Variants in IMMT observed in about 807,000 individuals in gnomAD.
The protein encoded by IMMT is MICOS complex subunit MIC60.
In IMMT, 40 loss-of-function variants were observed where a neutral mutation model predicts 92.7. That is an observed-to-expected ratio of 0.43 (90% CI 0.34 to 0.56). The LOEUF is 0.56. IMMT is among the 20% of genes least tolerant of loss of function. The pLI is 0.03. For synonymous variants in IMMT, 322 were observed against 336.1 expected (o/e 0.96, Z 0.46); for missense variants, 831 against 912.1 (o/e 0.91, Z 1.14).
chr2:86,156,838 A>G (rs935185388), intron 10 of IMMT, among the ~76,000 whole-genome samples: 11 of 152,138 alleles, frequency 7.2e-5, no homozygotes, highest in Non-Finnish European at 1.5e-4. Context: ...ACTACCTACC[A>G]ATGTCAAATT....
intron 10 of IMMT, among the ~76,000 whole-genome samples, chr2:86,158,090 CTTGAGG>C (rs1021631251): frequency 2.4e-4 from 36 of 152,190 alleles, no homozygotes; most frequent in Admixed American, 7.9e-4. Flanking sequence ...GTAGTTTCAG[CTTGAGG>C]AAGTGGATAG....
Position 86,174,514 on chromosome 2 carries a change from G to C in IMMT, c.310-753C>G, listed in dbSNP as rs17027004. Among the ~76,000 whole-genome samples the C allele has an allele frequency of 4.2e-3, 637 of 152,204 alleles. 5 individuals carry two copies. The highest frequency in any genetic ancestry group is 0.015 in the African/African-American group (608 of 41,514). ...ATATTATTTTTGAATGATGAAGACT[G>C]TTTACTGTAACAAGCAAAATAATGC... is the stretch of plus-strand genomic sequence containing the variant. On this transcript the variant is annotated intron_variant, in intron 3 of 14. Transcript: ENST00000410111.
At chr2:86,151,868 ACT>A (rs1675488886) in intron 11 of IMMT, among the ~76,000 whole-genome samples, 1 of 152,196 alleles carries the variant, frequency 6.6e-6, no homozygotes, top group African/African-American at 2.4e-5. Flanking sequence ...TTCAGGCATA[ACT>A]CTGATTAGTT....
In IMMT at chr2:86,181,314, G is replaced by A. The variant is rs150201708; in HGVS notation, c.104C>T (p.Thr35Ile). The change falls in exon 2 of 15, where the codon ACT becomes ATT. Residue 35 changes from threonine to isoleucine, a missense_variant. Coordinates refer to ENST00000410111, the MANE Select transcript of IMMT (RefSeq NM_006839.3). Reference sequence around the variant, plus strand: ...TAATACATACCCAGAGCTGCCTGAAGTAGAGTATCTGCGGCATGGTCGCAA... The same window carrying A: ...TAATACATACCCAGAGCTGCCTGAAATAGAGTATCTGCGGCATGGTCGCAA... The part of the protein sequence containing the change: ...RPLRPCRRYS[T>I]SGSSGLTTGK... 2.0e-5 allele frequency: 32 copies of A among 1,613,560 alleles called. No homozygotes were observed. In the African/African-American group the frequency reaches 3.6e-4, roughly 18 times the overall value.
intron 12 of IMMT, among the ~76,000 whole-genome samples, chr2:86,150,937 G>A (rs1264302892): frequency 7.8e-6 from 1 of 128,442 alleles, no homozygotes; most frequent in Non-Finnish European, 1.6e-5. Flanking sequence ...TTTTTTTTTT[G>A]AGACAGTCTT....
intron 2 of IMMT, among the ~76,000 whole-genome samples, chr2:86,180,882 G>A (rs1202507433): frequency 6.6e-6 from 1 of 151,288 alleles, no homozygotes; most frequent in African/African-American, 2.4e-5. Context: ...GCGAGACTCT[G>A]TCTTTAAAAA....
At chr2:86,178,223 C>T (rs1268547781) in intron 3 of IMMT, among the ~76,000 whole-genome samples, 1 of 148,854 alleles carries the variant, frequency 6.7e-6, no homozygotes, top group Non-Finnish European at 1.5e-5. Context: ...GAGGCTGAGG[C>T]AGGAGAATGG....
At chr2:86,195,067 G>A (rs1673439055) in intron 1 of IMMT, 1 of 399,594 alleles carries the variant, frequency 2.5e-6, no homozygotes, top group Non-Finnish European at 4.6e-6. Flanking sequence ...CCTGGACGGG[G>A]GCAGCGCGGC....
Position 86,144,700 on chromosome 2 carries a change from A to G in IMMT, c.1845T>C (p.Ala615=), listed in dbSNP as rs375179721. ...CACGGGTCAGGGACTCTGGAGGGAT[A>G]GCTGCGGTTAAAGCTTGGGTGAATT... ...DNEFTQALTA[A]IPPESLTRGV... The change falls in exon 15 of 15, where the codon GCT becomes GCC. Residue 615 remains alanine, a synonymous_variant. Transcript: ENST00000410111. 2.0e-4 allele frequency: 319 copies of G among 1,614,034 alleles called. No homozygotes were observed. In the East Asian group the frequency reaches 5.0e-3, roughly 25 times the overall value.
intron 6 of IMMT, among the ~76,000 whole-genome samples, chr2:86,168,389 G>A (rs185469931): frequency 7.2e-5 from 11 of 152,256 alleles, no homozygotes; most frequent in Admixed American, 4.6e-4. Flanking sequence ...TTGGGAGGCC[G>A]AGGCAGGTGT....
intron 14 of IMMT, among the ~76,000 whole-genome samples, chr2:86,145,105 A>G (rs918765147): frequency 1.3e-5 from 2 of 152,068 alleles, no homozygotes; most frequent in African/African-American, 4.8e-5. Flanking sequence ...TATCTAATCC[A>G]CATATTTTTA....
intron 1 of IMMT, among the ~76,000 whole-genome samples, chr2:86,189,962 C>T (rs1390574913): frequency 6.6e-6 from 1 of 152,124 alleles, no homozygotes; most frequent in Admixed American, 6.5e-5. Flanking sequence ...AACACGTGCT[C>T]TTTAGTTATA....
intron 10 of IMMT, among the ~76,000 whole-genome samples, chr2:86,154,715 GA>G (rs1409911183): frequency 6.6e-6 from 1 of 152,064 alleles, no homozygotes; most frequent in Non-Finnish European, 1.5e-5. Flanking sequence ...AGAGTAAAGG[GA>G]AAAAATGGCA....
At chr2:86,182,507 A>C (rs1362346762) in intron 1 of IMMT, among the ~76,000 whole-genome samples, 1 of 152,248 alleles carries the variant, frequency 6.6e-6, no homozygotes, top group Admixed American at 6.5e-5. Flanking sequence ...ATGTTTTAAA[A>C]TATGTAAAGC....
intron 2 of IMMT, among the ~76,000 whole-genome samples, chr2:86,179,963 G>A (rs112187127): frequency 1.2e-4 from 19 of 152,198 alleles, no homozygotes; most frequent in African/African-American, 4.3e-4. Context: ...ACGTGCCCCA[G>A]CTACTCAAGA....
At chr2:86,183,082 T>C (rs1672541298) in intron 1 of IMMT, among the ~76,000 whole-genome samples, 1 of 152,122 alleles carries the variant, frequency 6.6e-6, no homozygotes, top group African/African-American at 2.4e-5. Context: ...AGGGAGAAAA[T>C]ATTAAGAGGC....
At chr2:86,192,769 A>G (rs896134455) in intron 1 of IMMT, among the ~76,000 whole-genome samples, 2 of 152,110 alleles carry the variant, frequency 1.3e-5, no homozygotes, top group African/African-American at 4.8e-5. Context: ...AGGGAAGGTG[A>G]CATTTGAGAA....
At chr2:86,182,238 T>A (rs1382734015) in intron 1 of IMMT, among the ~76,000 whole-genome samples, 6 of 152,224 alleles carry the variant, frequency 3.9e-5, no homozygotes. Context: ...AGTATCTTTT[T>A]AAAAAATACT....
chr2:86,166,340 A>T (rs763265188), intron 7 of IMMT, among the ~76,000 whole-genome samples, 168 bp downstream of exon 7: 4 of 152,210 alleles, frequency 2.6e-5, no homozygotes, highest in Non-Finnish European at 5.9e-5. Context: ...CAAAACAATA[A>T]CAAAAAAAGA....
Sources: allele counts gnomAD v4.1 joint callset (sites outside exome capture counted in the v4.1 genomes callset), GRCh38; gene constraint gnomAD v4.1.1; transcripts MANE v1.5; gene names NCBI Gene and HGNC (gene_info 2026-07-23, HGNC 2026-07-21).